Variants in SYNDIG1L observed in about 807,000 individuals in gnomAD.
The protein encoded by SYNDIG1L is synapse differentiation-inducing gene protein 1-like.
In SYNDIG1L, 13 loss-of-function variants were observed where a neutral mutation model predicts 20.1. That is an observed-to-expected ratio of 0.65 (90% CI 0.42 to 1.03). The LOEUF (loss-of-function observed/expected upper bound fraction) is 1.03. SYNDIG1L is among the 50% of genes least tolerant of loss of function. SYNDIG1L has a pLI of 0.00. For synonymous variants in SYNDIG1L, 128 were observed against 129.3 expected (o/e 0.99, Z 0.07); for missense variants, 294 against 305.1 (o/e 0.96, Z 0.27).
At chr14:74,427,779 T>G (rs914210925), upstream of SYNDIG1L, among the ~76,000 whole-genome samples, 1 of 151,854 alleles carries the variant, frequency 6.6e-6, no homozygotes, top group Non-Finnish European at 1.5e-5. Flanking sequence ...CAGACACACA[T>G]AGACACACAC....
chr14:74,431,776 C>T, the SYNDIG1L span, among the ~76,000 whole-genome samples: 1 of 152,156 alleles, frequency 6.6e-6, no homozygotes, highest in Non-Finnish European at 1.5e-5. Context: ...TCTGGACATG[C>T]CACCCTCAGA....
At chr14:74,474,691 A>T in the SYNDIG1L span, 1 of 152,182 alleles carries the variant, frequency 6.6e-6, no homozygotes, top group Non-Finnish European at 1.5e-5. Flanking sequence ...AATCTTACAG[A>T]CAGATGACAG....
chr14:74,423,395 T>TGCG (rs1419560464), intron 1 of SYNDIG1L, among the ~76,000 whole-genome samples: 1 of 152,178 alleles, frequency 6.6e-6, no homozygotes, highest in Non-Finnish European at 1.5e-5. Flanking sequence ...AGCTTGCTGT[T>TGCG]GCTGCTGCTG....
the SYNDIG1L span, chr14:74,473,864 AAGCCAACATTTCAGGAG>A: frequency 6.6e-6 from 1 of 152,232 alleles, no homozygotes; most frequent in African/African-American, 2.4e-5. Flanking sequence ...TCGGAACTAG[AAGCCAACATTTCAGGAG>A]AGCCAGCTGC....
At chr14:74,434,391 A>T in the SYNDIG1L span, among the ~76,000 whole-genome samples, 1 of 152,086 alleles carries the variant, frequency 6.6e-6, no homozygotes, top group African/African-American at 2.4e-5. Flanking sequence ...CGGTGGGAGA[A>T]TAATAGTAAA....
At chr14:74,479,882 C>A in the SYNDIG1L span, 1 of 943,706 alleles carries the variant, frequency 1.1e-6, no homozygotes, top group Non-Finnish European at 1.4e-6. Context: ...GGGGGCCTGC[C>A]TTCCATGGTT....
chr14:74,422,845 G>A (rs966041227), intron 1 of SYNDIG1L, among the ~76,000 whole-genome samples: 1 of 151,806 alleles, frequency 6.6e-6, no homozygotes, highest in African/African-American at 2.4e-5. Flanking sequence ...CCGAGTAGCT[G>A]AAGTTACATG....
chr14:74,443,130 A>G, the SYNDIG1L span, among the ~76,000 whole-genome samples: 1 of 152,206 alleles, frequency 6.6e-6, no homozygotes, highest in Non-Finnish European at 1.5e-5. Flanking sequence ...TAGTGTAAAG[A>G]GGGGGCAGGG....
chr14:74,416,640 A>G (rs1473683059), intron 1 of SYNDIG1L, among the ~76,000 whole-genome samples: 2 of 149,404 alleles, frequency 1.3e-5, no homozygotes, highest in African/African-American at 5.1e-5. Flanking sequence ...TCTCAAAAAC[A>G]AAAACAAACC....
chr14:74,479,961 G>T, the SYNDIG1L span: 1 of 1,317,178 alleles, frequency 7.6e-7, no homozygotes, highest in Non-Finnish European at 9.7e-7. Flanking sequence ...AGACAAACGA[G>T]TTTTTATTTA....
chr14:74,442,095 G>A, the SYNDIG1L span, among the ~76,000 whole-genome samples: 1 of 152,070 alleles, frequency 6.6e-6, no homozygotes, highest in Admixed American at 6.6e-5. Flanking sequence ...GTTAATAATA[G>A]TACCTTTCTT....
the SYNDIG1L span, among the ~76,000 whole-genome samples, chr14:74,440,134 C>A: frequency 6.6e-6 from 1 of 152,028 alleles, no homozygotes; most frequent in Non-Finnish European, 1.5e-5. Context: ...AATCCCAGCA[C>A]TTTGGGAGGC....
At chr14:74,437,142 C>T in the SYNDIG1L span, among the ~76,000 whole-genome samples, 46 of 152,300 alleles carry the variant, frequency 3.0e-4, no homozygotes, top group South Asian at 9.5e-3. Flanking sequence ...ACCATTCTGC[C>T]TCTACTGCCT....
chr14:74,442,168 A>G, the SYNDIG1L span, among the ~76,000 whole-genome samples: 1 of 152,058 alleles, frequency 6.6e-6, no homozygotes, highest in Admixed American at 6.6e-5. Context: ...GTTCACCGTG[A>G]GCCAGGCACT....
At chr14:74,433,106 C>A in the SYNDIG1L span, among the ~76,000 whole-genome samples, 1 of 152,092 alleles carries the variant, frequency 6.6e-6, no homozygotes, top group Non-Finnish European at 1.5e-5. Flanking sequence ...ATTTCTTTGG[C>A]GCTAGGAGAA....
At chr14:74,457,700 C>A in the SYNDIG1L span, among the ~76,000 whole-genome samples, 1 of 152,048 alleles carries the variant, frequency 6.6e-6, no homozygotes, top group African/African-American at 2.4e-5. Context: ...AGGCCCAAAG[C>A]CATACGCTCC....
At chr14:74,456,673 T>C in the SYNDIG1L span, among the ~76,000 whole-genome samples, 2 of 152,024 alleles carry the variant, frequency 1.3e-5, no homozygotes, top group Admixed American at 1.3e-4. Flanking sequence ...TCACTGGAGC[T>C]GGGGGTGGGG....
chr14:74,411,734 G>A (rs928171933), intron 1 of SYNDIG1L, among the ~76,000 whole-genome samples: 1 of 152,082 alleles, frequency 6.6e-6, no homozygotes, highest in Non-Finnish European at 1.5e-5. Context: ...CCTAGGAAGC[G>A]GGGTGGGGGC....
chr14:74,442,346 A>G, the SYNDIG1L span, among the ~76,000 whole-genome samples: 3 of 152,176 alleles, frequency 2.0e-5, no homozygotes, highest in Admixed American at 6.5e-5. Flanking sequence ...TTTCCGAGGA[A>G]CCTGATGTTC....
Sources: gnomAD v4.1 joint callset for allele counts (sites outside exome capture counted in the v4.1 genomes callset) on GRCh38, gnomAD v4.1.1 for gene constraint, MANE v1.5 for transcripts, NCBI Gene and HGNC (gene_info 2026-07-23, HGNC 2026-07-21) for gene names.